Variants in NHS observed in about 807,000 individuals in gnomAD.
The protein encoded by NHS is actin remodeling regulator NHS.
NHS carries 5 observed loss-of-function variants against 72.5 expected under a neutral mutation model. The observed-to-expected ratio is 0.07, with a 90% confidence interval of 0.04 to 0.14. NHS has a LOEUF of 0.14. Among genes scored for constraint, NHS ranks in the 10% least tolerant of loss-of-function variants. The pLI is 1.00. For missense variants in NHS, 1,072 were observed against 1,355.7 expected (o/e 0.79, Z 3.29); for synonymous variants, 464 against 547.7 (o/e 0.85, Z 2.13).
chrX:17,648,945 A>G, intron 1 of NHS, among the ~76,000 whole-genome samples: 1 of 112,203 alleles, frequency 8.9e-6, no homozygotes, highest in Non-Finnish European at 1.9e-5. Context: ...AAATAAGATT[A>G]TGGGGTAATG....
At chrX:17,380,572 C>G (rs775273164) in intron 1 of NHS, among the ~76,000 whole-genome samples, 2 of 110,620 alleles carry the variant, frequency 1.8e-5, no homozygotes, top group Non-Finnish European at 3.8e-5. Flanking sequence ...GGGGTGGTCT[C>G]GAACTCTTGC....
chrX:17,653,353 G>A (rs753776609), intron 1 of NHS, among the ~76,000 whole-genome samples: 1 of 111,155 alleles, frequency 9.0e-6, no homozygotes, highest in African/African-American at 3.3e-5. Context: ...GTTAAGAACT[G>A]GAGGAGCTAG....
chrX:17,417,447 T>C (rs1252262585), intron 1 of NHS, among the ~76,000 whole-genome samples: 1 of 111,840 alleles, frequency 8.9e-6, no homozygotes, highest in Non-Finnish European at 1.9e-5. Flanking sequence ...ATATAAACCA[T>C]GTTAGGGTAG....
At chrX:17,416,854 A>G (rs1395827301) in intron 1 of NHS, among the ~76,000 whole-genome samples, 1 of 107,259 alleles carries the variant, frequency 9.3e-6, no homozygotes, top group Non-Finnish European at 1.9e-5. Context: ...CAAACTAGGG[A>G]GTGCGTGTTT....
chrX:17,412,715 G>GA (rs1254237949), intron 1 of NHS, among the ~76,000 whole-genome samples: 1 of 112,448 alleles, frequency 8.9e-6, no homozygotes, highest in Non-Finnish European at 1.9e-5. Context: ...CCAATAATCT[G>GA]AAAAAAAGTC....
At chrX:17,625,675 T>C (rs942634398) in intron 1 of NHS, among the ~76,000 whole-genome samples, 11 of 112,386 alleles carry the variant, frequency 9.8e-5, no homozygotes, top group Non-Finnish European at 2.1e-4. Context: ...AATTAAAAAA[T>C]TTTTAGTAAC....
intron 1 of NHS, among the ~76,000 whole-genome samples, chrX:17,509,312 C>T (rs887950818): frequency 5.4e-5 from 6 of 110,573 alleles, no homozygotes; most frequent in Admixed American, 3.9e-4. Context: ...CTGCAACCTC[C>T]GCCTCCCAGG....
chrX:17,699,719 A>T (rs1337021864), intron 3 of NHS, among the ~76,000 whole-genome samples: 2 of 112,024 alleles, frequency 1.8e-5, no homozygotes, highest in Non-Finnish European at 3.8e-5. Context: ...TGGGATGCAT[A>T]CTACCATACA....
intron 1 of NHS, among the ~76,000 whole-genome samples, chrX:17,652,386 C>T (rs1840893834): frequency 8.9e-6 from 1 of 112,445 alleles, no homozygotes; most frequent in South Asian, 3.7e-4. Flanking sequence ...GGCTTGTATA[C>T]ACAACAGAAT....
At chrX:17,550,449 T>C (rs113463802) in intron 1 of NHS, among the ~76,000 whole-genome samples, 9 of 112,264 alleles carry the variant, frequency 8.0e-5, no homozygotes, top group African/African-American at 2.6e-4. Flanking sequence ...GGTGCCTGGA[T>C]TTTGCTATTG....
intron 1 of NHS, among the ~76,000 whole-genome samples, chrX:17,639,590 C>A (rs2065870271): frequency 9.0e-6 from 1 of 110,960 alleles, no homozygotes; most frequent in Non-Finnish European, 1.9e-5. Flanking sequence ...ATGTGATAAC[C>A]CATTTAATCC....
chrX:17,524,500 G>A (rs927518304), intron 1 of NHS, among the ~76,000 whole-genome samples: 11 of 112,307 alleles, frequency 9.8e-5, no homozygotes, highest in Admixed American at 2.8e-4. Context: ...TTTTGTCCCC[G>A]TTAATCAAGA....
At chrX:17,544,284 TC>T (rs2065279351) in intron 1 of NHS, among the ~76,000 whole-genome samples, 1 of 111,949 alleles carries the variant, frequency 8.9e-6, no homozygotes, top group African/African-American at 3.2e-5. Context: ...AGGATTTGAA[TC>T]CGACAATTTG....
chrX:17,593,265 C>T (rs975062596), intron 1 of NHS, among the ~76,000 whole-genome samples: 17 of 111,447 alleles, frequency 1.5e-4, no homozygotes, highest in Non-Finnish European at 3.2e-4. Context: ...GTTGCTGCCA[C>T]CATGAGAAAT....
At chrX:17,470,760 C>A (rs2064889084) in intron 1 of NHS, among the ~76,000 whole-genome samples, 1 of 111,595 alleles carries the variant, frequency 9.0e-6, no homozygotes, top group South Asian at 3.8e-4. Flanking sequence ...TGCTCAAAAT[C>A]ATCTAATAAA....
At chrX:17,465,802 T>A (rs2064868479) in intron 1 of NHS, among the ~76,000 whole-genome samples, 1 of 112,515 alleles carries the variant, frequency 8.9e-6, no homozygotes, top group Admixed American at 9.4e-5. Context: ...TTATCATGTG[T>A]AATGTCTAAC....
At chrX:17,469,312 A>G (rs2064882514) in intron 1 of NHS, among the ~76,000 whole-genome samples, 1 of 112,320 alleles carries the variant, frequency 8.9e-6, no homozygotes, top group African/African-American at 3.2e-5. Context: ...ATGCGTTTGT[A>G]TTTCTGTTGG....
At chrX:17,391,484 A>G (rs1314868510) in intron 1 of NHS, among the ~76,000 whole-genome samples, 1 of 112,203 alleles carries the variant, frequency 8.9e-6, no homozygotes, top group African/African-American at 3.2e-5. Flanking sequence ...CATGTAAGCC[A>G]TTGATAGTAC....
At chrX:17,504,072 G>T (rs2065046505) in intron 1 of NHS, among the ~76,000 whole-genome samples, 1 of 111,540 alleles carries the variant, frequency 9.0e-6, no homozygotes, top group African/African-American at 3.3e-5. Flanking sequence ...CTGCAATTGG[G>T]AAACCAATTC....
Sources: gnomAD v4.1 joint callset for allele counts (sites outside exome capture counted in the v4.1 genomes callset) on GRCh38, gnomAD v4.1.1 for gene constraint, MANE v1.5 for transcripts, NCBI Gene and HGNC (gene_info 2026-07-23, HGNC 2026-07-21) for gene names.